Variants in TACR2 observed in about 807,000 individuals in gnomAD.
TACR2 encodes the protein tachykinin receptor 2, also known as substance-K receptor.
A neutral mutation model predicts 28.9 loss-of-function variants in TACR2; 24 were observed. The ratio of observed to expected loss-of-function variants is 0.83; its 90% CI spans 0.60 to 1.17. The LOEUF is 1.17. Among genes scored for constraint, TACR2 ranks in the 50% most tolerant of loss-of-function variants. The pLI, the probability that TACR2 is intolerant of heterozygous loss-of-function variation, is 0.00. For synonymous variants in TACR2, 222 were observed against 212.6 expected, an observed-to-expected ratio of 1.04 and a Z score of -0.38; for missense variants, 487 against 524.4, an observed-to-expected ratio of 0.93 and a Z score of 0.70.
chr10:69,408,031 T>C (rs534046784), intron 3 of TACR2, among the ~76,000 whole-genome samples: 1 of 152,328 alleles, frequency 6.6e-6, no homozygotes, highest in Non-Finnish European at 1.5e-5. Flanking sequence ...TTGACCTGGC[T>C]ACATGATGTG....
chr10:69,406,157 T>C (rs902388987), intron 4 of TACR2, among the ~76,000 whole-genome samples: 1 of 152,346 alleles, frequency 6.6e-6, no homozygotes, highest in East Asian at 1.9e-4. Flanking sequence ...GTAGCCTGGC[T>C]ACCTGGCCAG....
At chr10:69,415,223 G>A (rs1840603306) in intron 1 of TACR2, 84 bp from the exon 2 acceptor site, 2 of 1,440,962 alleles carry the variant, frequency 1.4e-6, no homozygotes, top group Non-Finnish European at 1.9e-6. Flanking sequence ...TCCCAACCCA[G>A]GCCCACGCCT....
intron 3 of TACR2, among the ~76,000 whole-genome samples, chr10:69,408,525 T>A (rs958152798): frequency 2.0e-5 from 3 of 152,112 alleles, no homozygotes; most frequent in Admixed American, 1.3e-4. Flanking sequence ...CAGGCAGGTC[T>A]CGAACTCCTG....
Position 69,404,981 on chromosome 10 carries a change from C to T in TACR2, c.1042G>A (p.Val348Ile). ...LTPTTSLSTR[V>I]NRCHTKETLF... ...GTCTCCTTAGTGTGACACCTGTTGA[C>T]TCTCGTGGAGAGGGAGGTCGTGGGA... The change falls in exon 5 of 5, where the codon GTC becomes ATC. Residue 348 changes from valine to isoleucine, a missense_variant. Physicochemically the swap from Val to Ile is conservative, Grantham distance 29. Coordinates refer to ENST00000373306, the MANE Select transcript of TACR2 (RefSeq NM_001057.3). The T allele has an allele frequency of 6.2e-7, 1 of 1,614,236 alleles. No homozygotes were observed. The highest frequency in any genetic ancestry group is 1.1e-5 in the South Asian group (1 of 91,084).
chr10:69,409,906 T>TATATAC (rs1564581106), intron 2 of TACR2, among the ~76,000 whole-genome samples: 1 of 11,620 alleles, frequency 8.6e-5, no homozygotes, highest in African/African-American at 2.5e-4. Context: ...TATATATACA[T>TATATAC]ATATATATAT....
rs1399914984 is a variant in TACR2, at chr10:69,409,029, C to T, written c.634G>A (p.Val212Met). ...ATGACGCTGTAGGCTACAAACATCA[C>T]CGCGAGCGGCAGGAAGTAGATGAGG... Reference protein sequence around the residue: ...IALIYFLPLAVMFVAYSVIGL... With the variant: ...IALIYFLPLAMMFVAYSVIGL... The change falls in exon 3 of 5, where the codon GTG becomes ATG. Residue 212 changes from valine to methionine, a missense_variant. Val to Met is a conservative substitution (Grantham distance 21). Coordinates refer to ENST00000373306, the MANE Select transcript of TACR2 (RefSeq NM_001057.3). The T allele has an allele frequency of 1.2e-6, 2 of 1,607,754 alleles. No individual in the cohort carries two copies. The highest frequency in any genetic ancestry group is 1.7e-6 in the Non-Finnish European group (2 of 1,178,452).
intron 2 of TACR2, among the ~76,000 whole-genome samples, chr10:69,411,005 G>A (rs548753272): frequency 1.3e-5 from 2 of 152,280 alleles, no homozygotes; most frequent in East Asian, 3.9e-4. Context: ...AACTGGATTT[G>A]TTCTGCCTCC....
chr10:69,416,369 C>T lies in TACR2; in HGVS notation c.-46G>A. 1 of 1,534,022 alleles carries T rather than the reference C, an allele frequency of 6.5e-7. No homozygotes were observed. The highest frequency in any genetic ancestry group is 8.8e-7 in the Non-Finnish European group (1 of 1,139,702). On this transcript the variant is annotated 5_prime_UTR_variant, in exon 1 of 5. Transcript: ENST00000373306. ...CAAAGGACCTGGCTCCTCGGCTCCT[C>T]TCGGATTTGCTATGAAAGAGAACTC...
chr10:69,416,557 G>A lies in TACR2; in HGVS notation c.-234C>T, dbSNP rs201079150. ...TTGTCATTTCAGATTCCATCCTTCCGGCCAGACTTCTCGAATATCATGTGG... is the reference window on the plus strand; with the variant it reads ...TTGTCATTTCAGATTCCATCCTTCCAGCCAGACTTCTCGAATATCATGTGG... On this transcript the variant is annotated 5_prime_UTR_variant, in exon 1 of 5. Transcript: ENST00000373306. 1.0e-5 allele frequency: 5 copies of A among 476,932 alleles called. No individual in the cohort carries two copies. The highest frequency in any genetic ancestry group is 5.1e-5 in the South Asian group (1 of 19,680). The allele number at this position is 476,932 out of a possible 1,614,324, so 29.5% of individuals were successfully genotyped here.
intron 1 of TACR2, 22 bp from the exon 2 acceptor site, chr10:69,415,161 A>C: frequency 6.3e-7 from 1 of 1,598,612 alleles, no homozygotes; most frequent in Non-Finnish European, 8.5e-7. Flanking sequence ...GGGCAGCTTG[A>C]GCGGCAGGGG....
chr10:69,416,725 C>T lies in TACR2; in HGVS notation c.-402G>A, dbSNP rs34097350. On this transcript the variant is annotated 5_prime_UTR_variant, in exon 1 of 5. Coordinates refer to ENST00000373306, the MANE Select transcript of TACR2 (RefSeq NM_001057.3). The stretch of plus-strand genomic sequence containing the variant: ...AGGAAGTTGGTGACAAGTTAGGACT[C>T]GAACCCAGGTTTCTCGTCACGTAAT... 0.025 allele frequency: 4,142 copies of T among 167,726 alleles called. 66 individuals are homozygous for T. The highest frequency in any genetic ancestry group is 0.039 in the African/African-American group (1,620 of 42,028). The allele number at this position is 167,726 out of a possible 1,614,324, so 10.4% of individuals were successfully genotyped here. A position where few individuals can be genotyped will look rare whatever the true frequency, so the allele number is the denominator to read the frequency against.
intron 4 of TACR2, 74 bp from the exon 5 acceptor site, chr10:69,405,158 A>C: frequency 7.8e-7 from 1 of 1,276,986 alleles, no homozygotes; most frequent in Non-Finnish European, 1.1e-6. Flanking sequence ...CCCCACCCCC[A>C]GGAAACTGAC....
At chr10:69,408,078 G>T (rs966944977) in intron 3 of TACR2, among the ~76,000 whole-genome samples, 1 of 151,764 alleles carries the variant, frequency 6.6e-6, no homozygotes, top group Non-Finnish European at 1.5e-5. Context: ...TGGTAGGAAG[G>T]GGGCAAGGAC....
At chr10:69,405,894 T>C (rs918127080) in intron 4 of TACR2, among the ~76,000 whole-genome samples, 3 of 152,198 alleles carry the variant, frequency 2.0e-5, no homozygotes, top group Non-Finnish European at 4.4e-5. Context: ...GGGGATAAGA[T>C]GACAGGCCTT....
At position 69,416,264 on chromosome 10, in the gene TACR2, G is replaced by A. The variant is rs767691621; in HGVS notation, c.60C>T (p.Thr20=). The change falls in exon 1 of 5, where the codon ACC becomes ACT. Residue 20 remains threonine, a synonymous_variant. Coordinates refer to ENST00000373306, the MANE Select transcript of TACR2 (RefSeq NM_001057.3). ...GCATGGAGAAGGCTGTGATGCCCGT[G>A]GTGTTGCTCTCAGGGCCAGATGAGA... is the stretch of plus-strand genomic sequence containing the variant. ...ANISSGPESN[T]TGITAFSMPS... is the part of the protein sequence containing the mutation. 4 of 1,612,608 alleles carry A rather than the reference G, an allele frequency of 2.5e-6. No individual in the cohort carries two copies. Among genetic ancestry groups the A allele is most frequent in the Non-Finnish European group, 3.4e-6 (4 of 1,178,918 alleles).
chr10:69,407,305 C>T lies in TACR2; in HGVS notation c.742-25G>A, dbSNP rs200326290. On this transcript the variant is annotated intron_variant, in intron 3 of 4. Transcript: ENST00000373306. ...ACTGGTCCAGGAGAGGCTCAAGTTA[C>T]TTCTTAGTGCCCAAGCCCCAGCCCC... is the stretch of plus-strand genomic sequence containing the variant. The T allele has an allele frequency of 8.5e-4, 1,348 of 1,589,312 alleles. 2 individuals are homozygous for T. Among genetic ancestry groups the T allele is most frequent in the Non-Finnish European group, 1.0e-3 (1,174 of 1,168,886 alleles).
At chr10:69,414,761 C>T (rs965626353) in intron 2 of TACR2, among the ~76,000 whole-genome samples, 184 bp downstream of exon 2, 3 of 152,168 alleles carry the variant, frequency 2.0e-5, no homozygotes, top group African/African-American at 4.8e-5. Flanking sequence ...TCGGCTACAT[C>T]GTGTGTGTTG....
intron 2 of TACR2, among the ~76,000 whole-genome samples, chr10:69,413,761 C>T (rs1236726619): frequency 6.6e-6 from 1 of 152,226 alleles, no homozygotes; most frequent in Non-Finnish European, 1.5e-5. Context: ...AGACCATGCA[C>T]ACCCTCATGC....
At position 69,411,013 on chromosome 10, in the gene TACR2, T is replaced by G. The variant is rs147640116; in HGVS notation, c.588-1938A>C. ...ATTGACAAACTGGATTTGTTCTGCCTCCTTCTTTGGGTCTGGGCTCCTTTG... is the reference window on the plus strand; with the variant it reads ...ATTGACAAACTGGATTTGTTCTGCCGCCTTCTTTGGGTCTGGGCTCCTTTG... On this transcript the variant is annotated intron_variant, in intron 2 of 4. Coordinates refer to ENST00000373306, the MANE Select transcript of TACR2 (RefSeq NM_001057.3). Among the ~76,000 whole-genome samples, 397 of 152,290 alleles carry G rather than the reference T, an allele frequency of 2.6e-3. 1 individual carries two copies. The highest frequency in any genetic ancestry group is 5.1e-3 in the Non-Finnish European group (344 of 68,022).
Sources: allele counts gnomAD v4.1 joint callset (sites outside exome capture counted in the v4.1 genomes callset), GRCh38; gene constraint gnomAD v4.1.1; transcripts MANE v1.5; gene names NCBI Gene and HGNC (gene_info 2026-07-23, HGNC 2026-07-21).